The following EPHA3 variants were observed in gnomAD, a reference collection of about 807,000 sequenced individuals.
EPHA3 encodes EPH receptor A3, also known as ephrin type-A receptor 3.
A neutral mutation model predicts 107.1 loss-of-function variants in EPHA3; 42 were observed. That is an observed-to-expected ratio of 0.39 (90% CI 0.31 to 0.51). The LOEUF is 0.51. EPHA3 is among the 20% of genes least tolerant of loss of function. The pLI, the probability that EPHA3 is intolerant of heterozygous loss-of-function variation, is 0.78. For missense variants in EPHA3, 1,183 were observed against 1,211.2 expected, an observed-to-expected ratio of 0.98 and a Z score of 0.35; for synonymous variants, 461 against 424.8, an observed-to-expected ratio of 1.09 and a Z score of -1.05.
At chr3:89,328,104 AG>A (rs1707208643) in intron 3 of EPHA3, among the ~76,000 whole-genome samples, 1 of 152,154 alleles carries the variant, frequency 6.6e-6, no homozygotes, top group African/African-American at 2.4e-5. Context: ...TCTCAAAAAA[AG>A]AAAAAAAGAA....
At chr3:89,386,749 A>G (rs543891517) in intron 5 of EPHA3, among the ~76,000 whole-genome samples, 4 of 152,322 alleles carry the variant, frequency 2.6e-5, no homozygotes, top group Non-Finnish European at 4.4e-5. Context: ...CCAGCCCATG[A>G]AAGTAAATGG....
chr3:89,158,728 T>C (rs1704858536), intron 2 of EPHA3, among the ~76,000 whole-genome samples: 1 of 152,080 alleles, frequency 6.6e-6, no homozygotes, highest in East Asian at 1.9e-4. Context: ...CAGCAACAAC[T>C]GCAACATTCA....
intron 5 of EPHA3, among the ~76,000 whole-genome samples, chr3:89,373,768 C>T (rs1358221402): frequency 6.6e-6 from 1 of 151,830 alleles, no homozygotes; most frequent in Admixed American, 6.6e-5. Context: ...ACTTCACTTT[C>T]CATCCTGGAT....
At position 89,395,915 on chromosome 3, in the gene EPHA3, A is replaced by G; in HGVS notation, c.1385A>G (p.His462Arg). The G allele has an allele frequency of 6.2e-7, 1 of 1,614,056 alleles. No individual in the cohort carries two copies. The highest frequency in any genetic ancestry group is 8.5e-7 in the Non-Finnish European group (1 of 1,179,966). ...SISLSWQEPEHPNGIILDYEV... is the reference protein window; with the variant it reads ...SISLSWQEPERPNGIILDYEV... ...TCTTTGTCCTGGCAAGAACCTGAAC[A>G]TCCTAATGGGATCATATTGGACTAC... Residue 462 changes from histidine to arginine, a missense_variant, in exon 6 of 17, where the codon CAT becomes CGT. Transcript: ENST00000336596.
intron 10 of EPHA3, among the ~76,000 whole-genome samples, chr3:89,415,733 GAAGA>G (rs899843342): frequency 6.6e-6 from 1 of 151,060 alleles, no homozygotes; most frequent in African/African-American, 2.4e-5. Flanking sequence ...AAAAATTTCT[GAAGA>G]AAGTAAATAC....
In EPHA3 at chr3:89,346,578, C is replaced by T. The variant is rs1707661241; in HGVS notation, c.1306+4488C>T. Among the ~76,000 whole-genome samples the T allele has an allele frequency of 1.3e-5, 2 of 149,764 alleles. 1 individual carries two copies. Among genetic ancestry groups the T allele is most frequent in the Non-Finnish European group, 3.0e-5 (2 of 66,848 alleles). ...TCCCATTTTGTAGGTTGCCTGTTCA[C>T]TCTGATGGTAGTTTCTTTTGCTGTG... On this transcript the variant is annotated intron_variant, in intron 5 of 16. Coordinates refer to ENST00000336596, the MANE Select transcript of EPHA3 (RefSeq NM_005233.6).
chr3:89,319,466 G>A (rs1190148400), intron 3 of EPHA3, among the ~76,000 whole-genome samples: 5 of 151,948 alleles, frequency 3.3e-5, no homozygotes, highest in African/African-American at 4.8e-5. Flanking sequence ...TAGGGCCAAA[G>A]CCCCGAAGAG....
intron 2 of EPHA3, among the ~76,000 whole-genome samples, chr3:89,170,679 C>G (rs1164325379): frequency 6.6e-6 from 1 of 152,064 alleles, no homozygotes; most frequent in Non-Finnish European, 1.5e-5. Flanking sequence ...ATATTTAACC[C>G]TAAGTATCAG....
chr3:89,398,314 G>T (rs1708890580), intron 6 of EPHA3, among the ~76,000 whole-genome samples: 1 of 152,106 alleles, frequency 6.6e-6, no homozygotes, highest in African/African-American at 2.4e-5. Context: ...TAATATATGT[G>T]AGAGAAAAAA....
intron 2 of EPHA3, among the ~76,000 whole-genome samples, chr3:89,204,217 G>A (rs1321944316): frequency 6.6e-6 from 1 of 151,904 alleles, no homozygotes; most frequent in Non-Finnish European, 1.5e-5. Flanking sequence ...GTGGATATTG[G>A]CTTTTCTATA....
chr3:89,321,056 A>G (rs1037009674), intron 3 of EPHA3, among the ~76,000 whole-genome samples: 2 of 152,056 alleles, frequency 1.3e-5, no homozygotes, highest in Non-Finnish European at 2.9e-5. Flanking sequence ...GGCTTGTTGT[A>G]TGACACTGTT....
intron 3 of EPHA3, among the ~76,000 whole-genome samples, chr3:89,224,363 G>T (rs79005890): frequency 0.034 from 5,159 of 152,226 alleles, 232 homozygotes; most frequent in African/African-American, 0.11. Flanking sequence ...ACAATAAAAT[G>T]ATAAAAGAAA....
At chr3:89,170,796 A>G (rs1478317167) in intron 2 of EPHA3, among the ~76,000 whole-genome samples, 1 of 152,188 alleles carries the variant, frequency 6.6e-6, no homozygotes, top group Non-Finnish European at 1.5e-5. Flanking sequence ...TTTGAGAGCA[A>G]TTTGAGAGCA....
intron 16 of EPHA3, among the ~76,000 whole-genome samples, chr3:89,475,309 C>T (rs1710484767): frequency 6.6e-6 from 1 of 152,032 alleles, no homozygotes; most frequent in East Asian, 1.9e-4. Flanking sequence ...TTCTTTGTGC[C>T]ATCCAGACTC....
rs559765234 is a variant in EPHA3, at chr3:89,244,065, T to C, written c.814+33545T>C. Among the ~76,000 whole-genome samples the C allele has an allele frequency of 2.6e-5, 4 of 152,262 alleles. No individual in the cohort carries two copies. In the South Asian group the frequency reaches 8.3e-4, roughly 32 times the overall value. ...GTGACTTGTCTTAGGAATTTGATTA[T>C]TTAAAAATATGAAAATATGGCCCTT... On this transcript the variant is annotated intron_variant, in intron 3 of 16. Coordinates refer to ENST00000336596, the MANE Select transcript of EPHA3 (RefSeq NM_005233.6).
intron 3 of EPHA3, among the ~76,000 whole-genome samples, chr3:89,219,572 A>C (rs943665700): frequency 2.0e-5 from 3 of 151,876 alleles, no homozygotes; most frequent in African/African-American, 7.3e-5. Flanking sequence ...TTGAGTGGAA[A>C]TATTAAGAAA....
chr3:89,177,149 A>G (rs1481404438), intron 2 of EPHA3, among the ~76,000 whole-genome samples: 1 of 152,108 alleles, frequency 6.6e-6, no homozygotes, highest in East Asian at 1.9e-4. Context: ...GAAATTTCCT[A>G]AATATTATAA....
chr3:89,335,292 A>ATGAT (rs1320679649), intron 3 of EPHA3, among the ~76,000 whole-genome samples: 1 of 152,126 alleles, frequency 6.6e-6, no homozygotes, highest in Non-Finnish European at 1.5e-5. Flanking sequence ...GGGTCCTCAG[A>ATGAT]TGATAGAAGG....
rs564487429 is a variant in EPHA3, at chr3:89,466,684, T to C, written c.2691-5780T>C. On this transcript the variant is annotated intron_variant, in intron 15 of 16. Coordinates refer to ENST00000336596, the MANE Select transcript of EPHA3 (RefSeq NM_005233.6). ...AGGTGAGGCAATGCCTCGCCCTGCT[T>C]CGGCTCGCGCACGGTGCGCACACAC... 3.0e-4 allele frequency among the ~76,000 whole-genome samples: 40 copies of C among 131,282 alleles called. 2 individuals carry two copies. Among genetic ancestry groups the C allele is most frequent in the African/African-American group, 1.1e-3 (38 of 35,130 alleles). The allele number at this position is 131,282 out of a possible 152,430, so 86.1% of individuals were successfully genotyped here. A position where few individuals can be genotyped will look rare whatever the true frequency, so the allele number is the denominator to read the frequency against.
Sources: gnomAD v4.1 joint callset for allele counts (sites outside exome capture counted in the v4.1 genomes callset) on GRCh38, gnomAD v4.1.1 for gene constraint, MANE v1.5 for transcripts, NCBI Gene and HGNC (gene_info 2026-07-23, HGNC 2026-07-21) for gene names.